The following EIF2D variants were observed in gnomAD, a reference collection of about 807,000 sequenced individuals.
The protein encoded by EIF2D is hepatocellular carcinoma-associated antigen 56.
In EIF2D, 56 loss-of-function variants were observed where a neutral mutation model predicts 77.4. The ratio of observed to expected loss-of-function variants is 0.72; its 90% confidence interval spans 0.58 to 0.90. The LOEUF (loss-of-function observed/expected upper bound fraction) is 0.90. Ranked by LOEUF, EIF2D falls within the 40% of genes least tolerant of loss-of-function variation. EIF2D has a pLI of 0.00. For synonymous variants in EIF2D, 230 were observed against 271.0 expected (o/e 0.85, Z 1.49); for missense variants, 574 against 706.5 (o/e 0.81, Z 2.13).
intron 1 of EIF2D, 58 bp downstream of exon 1, chr1:206,612,229 C>T (rs1572420653): frequency 1.2e-6 from 2 of 1,602,698 alleles, no homozygotes; most frequent in Admixed American, 1.7e-5. Flanking sequence ...TATGGGCCAG[C>T]GGGGCCCAAG....
Position 206,584,563 on chromosome 1 carries a change from G to A in EIF2D, c.139-3401C>T. 6.2e-7 allele frequency: 1 copy of A among 1,614,238 alleles called. No individual in the cohort carries two copies. Among genetic ancestry groups the A allele is most frequent in the Non-Finnish European group, 8.5e-7 (1 of 1,180,048 alleles). Reference sequence around the variant, plus strand: ...ACCTGCCCCTAGATGCCATCAAGCAGCTGCACATCAGCAGCACCACCACCG... The same window carrying A: ...ACCTGCCCCTAGATGCCATCAAGCAACTGCACATCAGCAGCACCACCACCG... On this transcript the variant is annotated intron_variant and NMD_transcript_variant, in intron 2 of 5. Coordinates refer to the EIF2D transcript ENST00000472709. This position sits in a 1 kb window ranked among gnomAD's most constrained non-coding sequence, Gnocchi z 4.9.
chr1:206,574,190 C>T (rs1225285415), intron 4 of EIF2D, among the ~76,000 whole-genome samples: 8 of 152,314 alleles, frequency 5.3e-5, no homozygotes, highest in South Asian at 2.1e-4. Context: ...CAGGGGACCC[C>T]GTGTCCAGAC....
downstream of EIF2D, among the ~76,000 whole-genome samples, chr1:206,590,699 C>A (rs1215266570): frequency 6.6e-6 from 1 of 152,150 alleles, no homozygotes; most frequent in Non-Finnish European, 1.5e-5. Context: ...CAAACCCATT[C>A]CTTTTTTCCT....
intron 14 of EIF2D, 111 bp downstream of exon 14, chr1:206,593,508 A>C (rs75706892): frequency 0.089 from 35,474 of 397,288 alleles, 1,644 homozygotes; most frequent in East Asian, 0.18. Flanking sequence ...AGAGAGAGAG[A>C]GTGTGTGTGT....
chr1:206,607,654 CAT>C lies in EIF2D; in HGVS notation c.422+580_422+581del, dbSNP rs1191149371. Among the ~76,000 whole-genome samples, 9 of 151,522 alleles carry C rather than the reference CAT, an allele frequency of 5.9e-5. No individual in the cohort carries two copies. The East Asian group carries it at 1.5e-3, about 26-fold the overall frequency. On this transcript the variant is annotated intron_variant, in intron 4 of 14. Coordinates refer to ENST00000271764, the MANE Select transcript of EIF2D (RefSeq NM_006893.3). ...ATTAAAAGATGAGGATAATGATATG[CAT>C]ATAGGGAAAAAGCATGAGGGTGATG...
intron 4 of EIF2D, among the ~76,000 whole-genome samples, chr1:206,575,427 T>TTG: frequency 6.6e-6 from 1 of 152,118 alleles, no homozygotes; most frequent in East Asian, 1.9e-4. Flanking sequence ...TTTTCTTGAG[T>TTG]TGTGTGTGTT....
At chr1:206,595,566 GC>G (rs1669606444) in intron 13 of EIF2D, 151 bp downstream of exon 13, 1 of 935,868 alleles carries the variant, frequency 1.1e-6, no homozygotes, top group Non-Finnish European at 1.6e-6. Context: ...TTCATACAGA[GC>G]CCAGCCCAGG....
chr1:206,610,397 T>C (rs1231225282), intron 2 of EIF2D, among the ~76,000 whole-genome samples: 2 of 152,122 alleles, frequency 1.3e-5, no homozygotes, highest in Non-Finnish European at 1.5e-5. Context: ...CATATGCCTG[T>C]AGTCCCAGCT....
chr1:206,593,328 A>G (rs1553409272), intron 14 of EIF2D, among the ~76,000 whole-genome samples: 2 of 152,128 alleles, frequency 1.3e-5, no homozygotes, highest in African/African-American at 4.8e-5. Flanking sequence ...GGTGCTCGCC[A>G]TATGTTTTAT....
chr1:206,582,614 G>A (rs1442989139), intron 2 of EIF2D, among the ~76,000 whole-genome samples: 1 of 152,216 alleles, frequency 6.6e-6, no homozygotes, highest in Non-Finnish European at 1.5e-5. Context: ...TTTTATGGTA[G>A]AGGGGGCTAC....
In EIF2D at chr1:206,599,447, C is replaced by T. The variant is rs782003352; in HGVS notation, c.1202+16G>A. The stretch of plus-strand genomic sequence containing the variant: ...ACACCAAGCAGGCAGAGAAGGGCTG[C>T]TCTCCAAAAACTCACTTGTGGCCAG... On this transcript the variant is annotated intron_variant, in intron 10 of 14. Transcript: ENST00000271764. The surrounding 1 kb of genome is among the most constrained non-coding windows in gnomAD (Gnocchi z 4.1). 1 of 1,613,016 alleles carries T rather than the reference C, an allele frequency of 6.2e-7. No individual in the cohort carries two copies. Among genetic ancestry groups the T allele is most frequent in the Non-Finnish European group, 8.5e-7 (1 of 1,179,696 alleles).
chr1:206,595,256 T>A (rs1197251312), intron 13 of EIF2D: 1 of 153,274 alleles, frequency 6.5e-6, no homozygotes, highest in Non-Finnish European at 1.5e-5. Flanking sequence ...GCATATAGAA[T>A]AAGTGCCCTA....
At position 206,603,040 on chromosome 1, in the gene EIF2D, G is replaced by A. The variant is rs782042902; in HGVS notation, c.695C>T (p.Ala232Val). 21 of 1,614,028 alleles carry A rather than the reference G, an allele frequency of 1.3e-5. No individual in the cohort carries two copies. The highest frequency in any genetic ancestry group is 1.7e-5 in the Non-Finnish European group (20 of 1,180,046). ...TTCTGAGAGAGACTTGTCTTCACGT[G>A]CCTGGTGAACCTCCCCATTCTCCTC... ...GEEENGEVHQ[A>V]REDKSLSEAP... Residue 232 changes from alanine to valine, a missense_variant, in exon 6 of 15, where the codon GCA becomes GTA. Transcript: ENST00000271764.
Position 206,584,614 on chromosome 1 carries a change from C to T in EIF2D, c.139-3452G>A, listed in dbSNP as rs1553407162. 6.2e-7 allele frequency: 1 copy of T among 1,614,084 alleles called. No homozygotes were observed. The highest frequency in any genetic ancestry group is 8.5e-7 in the Non-Finnish European group (1 of 1,180,050). Reference sequence around the variant, plus strand: ...TCAGTGAGGTCATCCAGGGGCTGCTCAAGAAGTTCATGGTTGTGGACAATC... The same window carrying T: ...TCAGTGAGGTCATCCAGGGGCTGCTTAAGAAGTTCATGGTTGTGGACAATC... On this transcript the variant is annotated intron_variant and NMD_transcript_variant, in intron 2 of 5. Transcript: ENST00000472709. This position sits in a 1 kb window ranked among gnomAD's most constrained non-coding sequence, Gnocchi z 4.9.
At chr1:206,578,354 G>A (rs1553405595) in intron 4 of EIF2D, among the ~76,000 whole-genome samples, 1 of 152,020 alleles carries the variant, frequency 6.6e-6, no homozygotes, top group East Asian at 1.9e-4. Context: ...TTCCTTGACT[G>A]TAAAATGAGC....
chr1:206,596,151 A>C lies in EIF2D; in HGVS notation c.1389-313T>G, dbSNP rs575652177. Among the ~76,000 whole-genome samples the C allele has an allele frequency of 5.9e-5, 9 of 152,314 alleles. No homozygotes were observed. In the East Asian group the frequency reaches 1.7e-3, roughly 29 times the overall value. On this transcript the variant is annotated intron_variant, in intron 12 of 14. Transcript: ENST00000271764. ...GACCTGGCCTTTTGAGAATCTGCCC[A>C]GTCTGCCCTGTGGAGGCTACTACCT...
chr1:206,612,392 A>T lies in EIF2D; in HGVS notation c.-50T>A, dbSNP rs782372329. On this transcript the variant is annotated 5_prime_UTR_variant, in exon 1 of 15. In the 5' UTR this introduces an upstream ATG that the reference lacks. Transcript: ENST00000271764. ...AGAGCACAGAAGCCAGGGAATGTCAAGAAAGCGAGGGCGCAGCAGCTGCCA... is the reference window on the plus strand; with the variant it reads ...AGAGCACAGAAGCCAGGGAATGTCATGAAAGCGAGGGCGCAGCAGCTGCCA... 1 of 1,612,850 alleles carries T rather than the reference A, an allele frequency of 6.2e-7. No individual in the cohort carries two copies. Among genetic ancestry groups the T allele is most frequent in the Admixed American group, 1.7e-5 (1 of 60,020 alleles).
At chr1:206,610,699 T>C (rs1413604568) in intron 2 of EIF2D, among the ~76,000 whole-genome samples, 1 of 152,046 alleles carries the variant, frequency 6.6e-6, no homozygotes, top group Non-Finnish European at 1.5e-5. Context: ...CGGGTGCCTG[T>C]AGTTCCTGCT....
chr1:206,604,420 G>T (rs1227551144), intron 5 of EIF2D, among the ~76,000 whole-genome samples: 2 of 151,416 alleles, frequency 1.3e-5, no homozygotes, highest in African/African-American at 4.9e-5. Context: ...TCCAGCCTGG[G>T]CAACAAGAGC....
Sources: gnomAD v4.1 joint callset for allele counts (sites outside exome capture counted in the v4.1 genomes callset) on GRCh38, gnomAD v4.1.1 for gene constraint, Gnocchi (gnomAD v3.1) non-coding constraint, MANE v1.5 for transcripts, NCBI Gene and HGNC (gene_info 2026-07-23, HGNC 2026-07-21) for gene names.